Variants in FOXC1 observed in about 807,000 individuals in gnomAD.
FOXC1 encodes forkhead box protein C1.
A neutral mutation model predicts 8.1 loss-of-function variants in FOXC1; 5 were observed. The observed-to-expected ratio is 0.62, with a 90% CI of 0.32 to 1.30. The LOEUF (loss-of-function observed/expected upper bound fraction) is 1.30. Among genes scored for constraint, FOXC1 ranks in the 50% most tolerant of loss-of-function variants. The pLI is 0.05. For missense variants in FOXC1, 942 were observed against 858.0 expected (o/e 1.10, Z -1.22); for synonymous variants, 552 against 417.2 (o/e 1.32, Z -3.94).
rs1762573768 is a variant in FOXC1, at chr6:1,612,410, C to T, written c.*303C>T. The T allele has an allele frequency of 3.8e-6, 2 of 523,038 alleles. No homozygotes were observed. Among genetic ancestry groups the T allele is most frequent in the East Asian group, 3.4e-5 (1 of 29,220 alleles). The allele number at this position is 523,038 out of a possible 1,614,324, so 32.4% of individuals were successfully genotyped here. On this transcript the variant is annotated 3_prime_UTR_variant, in exon 1 of 1. Coordinates refer to ENST00000645831, the MANE Select transcript of FOXC1 (RefSeq NM_001453.3). ...CTTGGTTTATTAAAGGACAGTGTTA[C>T]TCCAGATAACACGTAAGTTTCTTCT...
In FOXC1 at chr6:1,613,290, AG is replaced by A. The variant is rs1762586452; in HGVS notation, c.*1184del. Reference sequence around the variant, plus strand: ...CATCCCTGTGAGCCAGATGCTGAATAGATATTTTCCTATTATTTCAGTCCTT... The same window carrying A: ...CATCCCTGTGAGCCAGATGCTGAATAATATTTTCCTATTATTTCAGTCCTT... On this transcript the variant is annotated 3_prime_UTR_variant, in exon 1 of 1. Transcript: ENST00000645831. 5 of 233,860 alleles carry A rather than the reference AG, an allele frequency of 2.1e-5. No homozygotes were observed. The Admixed American group carries it at 2.9e-4, about 14-fold the overall frequency. 14.5% of individuals were successfully genotyped at this position (233,860 alleles called of 1,614,324 possible).
At position 1,611,427 on chromosome 6, in the gene FOXC1, C is replaced by T. The variant is rs1392616157; in HGVS notation, c.982C>T (p.Leu328Phe). ...GTCGCCGCAGAGCGCGGCCGCGGAG[C>T]TCAGCTCCGGCCTTCTGGCCTCGGC... ...RGSPQSAAAE[L>F]SSGLLASAAA... is the part of the protein sequence containing the mutation. The change falls in exon 1 of 1, where the codon CTC (leucine) becomes TTC (phenylalanine). Residue 328 changes from leucine (L) to phenylalanine (F), a missense_variant. Leu to Phe is a conservative substitution (Grantham distance 22, BLOSUM62 0). This residue lies in a region of FOXC1 where 726 missense variants were observed against 599.6 expected (regional missense o/e 1.21). Transcript: ENST00000645831. This position sits in a 1 kb window ranked among gnomAD's most constrained non-coding sequence, Gnocchi z 7.1. 2 of 1,437,272 alleles carry T rather than the reference C, an allele frequency of 1.4e-6. No homozygotes were observed. The highest frequency in any genetic ancestry group is 1.5e-5 in the African/African-American group (1 of 67,230). The allele number at this position is 1,437,272 out of a possible 1,614,324, so 89.0% of individuals were successfully genotyped here. A position where few individuals can be genotyped will look rare whatever the true frequency, so the allele number is the denominator to read the frequency against.
Position 1,611,159 on chromosome 6 carries a change from G to A in FOXC1, c.714G>A (p.Gln238=). The A allele has an allele frequency of 1.4e-6, 2 of 1,452,464 alleles. No individual in the cohort carries two copies. Among genetic ancestry groups the A allele is most frequent in the Non-Finnish European group, 1.8e-6 (2 of 1,097,128 alleles). 90.0% of individuals were successfully genotyped at this position (1,452,464 alleles called of 1,614,324 possible). Residue 238 remains glutamine (Q), a synonymous_variant, in exon 1 of 1, where the codon CAG becomes CAA. Coordinates refer to ENST00000645831, the MANE Select transcript of FOXC1 (RefSeq NM_001453.3). This position sits in a 1 kb window ranked among gnomAD's most constrained non-coding sequence, Gnocchi z 7.1. ...ACGGTACGTGCCCCTCGCCGCCCCA[G>A]CCCCTGTCCCCGGCCGCCGCCCTGG... ...TENGTCPSPP[Q]PLSPAAALGS...
chr6:1,611,770 C>G lies in FOXC1; in HGVS notation c.1325C>G (p.Ser442Trp). The change falls in exon 1 of 1, where the codon TCG becomes TGG. Residue 442 changes from serine to tryptophan, a missense_variant. By Grantham distance (177) the Ser-to-Trp change is radical. Transcript: ENST00000645831. This position sits in a 1 kb window ranked among gnomAD's most constrained non-coding sequence, Gnocchi z 7.1. ...SLPPVTSSSSSSLSHGGGGGG... is the reference protein window; with the variant it reads ...SLPPVTSSSSWSLSHGGGGGG... The stretch of plus-strand genomic sequence containing the variant: ...CCTCCGGTCACCAGCAGCAGCTCGT[C>G]GTCCCTGAGTCACGGCGGCGGCGGC... 2 of 1,470,998 alleles carry G rather than the reference C, an allele frequency of 1.4e-6. No homozygotes were observed. The highest frequency in any genetic ancestry group is 1.8e-6 in the Non-Finnish European group (2 of 1,117,688). 91.1% of individuals were successfully genotyped at this position (1,470,998 alleles called of 1,614,324 possible).
chr6:1,612,344 TAAAC>T lies in FOXC1; in HGVS notation c.*242_*245del, dbSNP rs915154568. On this transcript the variant is annotated 3_prime_UTR_variant, in exon 1 of 1. Transcript: ENST00000645831. The stretch of plus-strand genomic sequence containing the variant: ...CCACCTCCACTTTGCCTTGTCTAAA[TAAAC>T]AAACCCGTAAACTGTTTTATACAGA... 41 of 652,914 alleles carry T rather than the reference TAAAC, an allele frequency of 6.3e-5. No homozygotes were observed. The highest frequency in any genetic ancestry group is 5.1e-4 in the African/African-American group (28 of 54,630). The allele number at this position is 652,914 out of a possible 1,614,324, so 40.4% of individuals were successfully genotyped here. A position where few individuals can be genotyped will look rare whatever the true frequency, so the allele number is the denominator to read the frequency against.
chr6:1,613,174 C>A lies in FOXC1; in HGVS notation c.*1067C>A, dbSNP rs545386506. ...AGCCGCGGTCTTACCACGGTGATGCCTGTGTGCCGAGAGATGGGACTGTGC... is the reference window on the plus strand; with the variant it reads ...AGCCGCGGTCTTACCACGGTGATGCATGTGTGCCGAGAGATGGGACTGTGC... On this transcript the variant is annotated 3_prime_UTR_variant, in exon 1 of 1. Transcript: ENST00000645831. 4.1e-6 allele frequency: 1 copy of A among 241,670 alleles called. No individual in the cohort carries two copies. The highest frequency in any genetic ancestry group is 8.8e-6 in the Non-Finnish European group (1 of 114,226). The allele number at this position is 241,670 out of a possible 1,614,324, so 15.0% of individuals were successfully genotyped here.
At position 1,610,829 on chromosome 6, in the gene FOXC1, C is replaced by T; in HGVS notation, c.384C>T (p.His128=). The change falls in exon 1 of 1, where the codon CAC becomes CAT. Residue 128 remains histidine (H), a synonymous_variant. Transcript: ENST00000645831. The part of the protein sequence containing the change: ...NKQGWQNSIR[H]NLSLNECFVK... ...AGGGCTGGCAGAACAGCATCCGCCACAACCTCTCGCTCAACGAGTGCTTCG... is the reference window on the plus strand; with the variant it reads ...AGGGCTGGCAGAACAGCATCCGCCATAACCTCTCGCTCAACGAGTGCTTCG... The T allele has an allele frequency of 6.2e-7, 1 of 1,614,132 alleles. No homozygotes were observed. Among genetic ancestry groups the T allele is most frequent in the Non-Finnish European group, 8.5e-7 (1 of 1,180,026 alleles).
chr6:1,611,451 G>A lies in FOXC1; in HGVS notation c.1006G>A (p.Ala336Thr). Residue 336 changes from alanine to threonine, a missense_variant, in exon 1 of 1, where the codon GCG becomes ACG. Transcript: ENST00000645831. The surrounding 1 kb of genome is among the most constrained non-coding windows in gnomAD (Gnocchi z 7.1). ...GCTCAGCTCCGGCCTTCTGGCCTCG[G>A]CGGCCGCGTCCTCGCGCGCGGGGAT... ...AELSSGLLAS[A>T]AASSRAGIAP... The A allele has an allele frequency of 1.4e-6, 2 of 1,389,156 alleles. No homozygotes were observed. The highest frequency in any genetic ancestry group is 3.2e-5 in the East Asian group (1 of 30,848). The allele number at this position is 1,389,156 out of a possible 1,614,324, so 86.1% of individuals were successfully genotyped here.
In FOXC1 at chr6:1,611,748, C is replaced by G. The variant is rs1762555865; in HGVS notation, c.1303C>G (p.Pro435Ala). The G allele has an allele frequency of 1.4e-6, 2 of 1,472,644 alleles. No homozygotes were observed. The highest frequency in any genetic ancestry group is 1.8e-6 in the Non-Finnish European group (2 of 1,118,796). 91.2% of individuals were successfully genotyped at this position (1,472,644 alleles called of 1,614,324 possible). A position where few individuals can be genotyped will look rare whatever the true frequency, so the allele number is the denominator to read the frequency against. Residue 435 changes from proline (P) to alanine (A), a missense_variant, in exon 1 of 1, where the codon CCG becomes GCG. Pro to Ala is a conservative substitution (Grantham distance 27). Around this residue, in one of 4 missense-constraint regions of FOXC1, gnomAD observed 726 missense variants for 599.6 expected, o/e 1.21. Transcript: ENST00000645831. The surrounding 1 kb of genome is among the most constrained non-coding windows in gnomAD (Gnocchi z 7.1). ...CCCCCTGCCCGACTACTCTCTGCCT[C>G]CGGTCACCAGCAGCAGCTCGTCGTC... ...DDPLPDYSLPPVTSSSSSSLS... is the reference protein window; with the variant it reads ...DDPLPDYSLPAVTSSSSSSLS...
In FOXC1 at chr6:1,611,227, ACAGCAG is replaced by A. The variant is rs761199025; in HGVS notation, c.793_798del (p.Ser265_Ser266del). 1.1e-5 allele frequency: 16 copies of A among 1,452,628 alleles called. No individual in the cohort carries two copies. Among genetic ancestry groups the A allele is most frequent in the Middle Eastern group, 2.2e-4 (1 of 4,644 alleles). The allele number at this position is 1,452,628 out of a possible 1,614,324, so 90.0% of individuals were successfully genotyped here. The stretch of plus-strand genomic sequence containing the variant: ...GCGGTGCCCAAGATCGAGAGCCCCG[ACAGCAG>A]CAGCAGCAGCCTGTCCAGCGGGAGC... On this transcript the variant is annotated inframe_deletion, in exon 1 of 1. Transcript: ENST00000645831. This position sits in a 1 kb window ranked among gnomAD's most constrained non-coding sequence, Gnocchi z 7.1.
Position 1,612,134 on chromosome 6 carries a change from A to C in FOXC1, c.*27A>C. 6.2e-7 allele frequency: 1 copy of C among 1,613,858 alleles called. No individual in the cohort carries two copies. Among genetic ancestry groups the C allele is most frequent in the Non-Finnish European group, 8.5e-7 (1 of 1,180,004 alleles). ...ACACCCTCAAAGCCGAACTAAATCG[A>C]ACCCCAAAGCAGGAAAAGCTAAAGG... On this transcript the variant is annotated 3_prime_UTR_variant, in exon 1 of 1. Coordinates refer to ENST00000645831, the MANE Select transcript of FOXC1 (RefSeq NM_001453.3).
rs1351404767 is a variant in FOXC1 at position 1,612,143 on chromosome 6, G to A, written c.*36G>A. The A allele has an allele frequency of 5.0e-6, 8 of 1,612,692 alleles. No homozygotes were observed. The highest frequency in any genetic ancestry group is 1.7e-5 in the Admixed American group (1 of 59,952). On this transcript the variant is annotated 3_prime_UTR_variant, in exon 1 of 1. Transcript: ENST00000645831. ...AAGCCGAACTAAATCGAACCCCAAAGCAGGAAAAGCTAAAGGAACCCATCA... is the reference window on the plus strand; with the variant it reads ...AAGCCGAACTAAATCGAACCCCAAAACAGGAAAAGCTAAAGGAACCCATCA...
rs750113586 is a variant in FOXC1 at position 1,611,971 on chromosome 6, A to G, written c.1526A>G (p.Glu509Gly). 1.9e-6 allele frequency: 3 copies of G among 1,609,672 alleles called. No homozygotes were observed. The African/African-American group carries it at 4.0e-5, about 22-fold the overall frequency. Residue 509 changes from glutamate to glycine, a missense_variant, in exon 1 of 1, where the codon GAG becomes GGG. This residue lies in a region of FOXC1 where 726 missense variants were observed against 599.6 expected (regional missense o/e 1.21). Transcript: ENST00000645831. The surrounding 1 kb of genome is among the most constrained non-coding windows in gnomAD (Gnocchi z 7.1). ...GQQQNFHSVR[E>G]MFESQRIGLN... The stretch of plus-strand genomic sequence containing the variant: ...CAGCAGAACTTCCACTCGGTGCGGG[A>G]GATGTTCGAGTCACAGAGGATCGGC...
rs762496778 is a variant in FOXC1, at chr6:1,611,975, G to A, written c.1530G>A (p.Met510Ile). The change falls in exon 1 of 1, where the codon ATG becomes ATA. Residue 510 changes from methionine (M) to isoleucine (I), a missense_variant. Coordinates refer to ENST00000645831, the MANE Select transcript of FOXC1 (RefSeq NM_001453.3). This position sits in a 1 kb window ranked among gnomAD's most constrained non-coding sequence, Gnocchi z 7.1. ...QQQNFHSVRE[M>I]FESQRIGLNN... ...AGAACTTCCACTCGGTGCGGGAGAT[G>A]TTCGAGTCACAGAGGATCGGCTTGA... 2 of 1,610,998 alleles carry A rather than the reference G, an allele frequency of 1.2e-6. No individual in the cohort carries two copies. Among genetic ancestry groups the A allele is most frequent in the South Asian group, 2.2e-5 (2 of 90,460 alleles).
chr6:1,610,132 C>CT lies in FOXC1; in HGVS notation c.-313dup, dbSNP rs1202781854. The CT allele has an allele frequency of 6.7e-6, 1 of 149,682 alleles. No individual in the cohort carries two copies. The highest frequency in any genetic ancestry group is 1.5e-5 in the Non-Finnish European group (1 of 67,802). 9.3% of individuals were successfully genotyped at this position (149,682 alleles called of 1,614,324 possible). A position where few individuals can be genotyped will look rare whatever the true frequency, so the allele number is the denominator to read the frequency against. ...GCGCCTGCTTGTTCTTTCTTTTTGTCTGCTTTCCCCCGTTTGCGCCTGGAA... is the reference window on the plus strand; with the variant it reads ...GCGCCTGCTTGTTCTTTCTTTTTGTCTTGCTTTCCCCCGTTTGCGCCTGGAA... On this transcript the variant is annotated 5_prime_UTR_variant, in exon 1 of 1. Coordinates refer to ENST00000645831, the MANE Select transcript of FOXC1 (RefSeq NM_001453.3).
In FOXC1 at chr6:1,611,218, A is replaced by G; in HGVS notation, c.773A>G (p.Glu258Gly). The G allele has an allele frequency of 1.4e-6, 2 of 1,457,094 alleles. No homozygotes were observed. Among genetic ancestry groups the G allele is most frequent in the Non-Finnish European group, 1.8e-6 (2 of 1,105,224 alleles). 90.3% of individuals were successfully genotyped at this position (1,457,094 alleles called of 1,614,324 possible). A position where few individuals can be genotyped will look rare whatever the true frequency, so the allele number is the denominator to read the frequency against. The change falls in exon 1 of 1, where the codon GAG becomes GGG. Residue 258 changes from glutamate to glycine, a missense_variant. This residue lies in a region of FOXC1 where 726 missense variants were observed against 599.6 expected (regional missense o/e 1.21). Transcript: ENST00000645831. This position sits in a 1 kb window ranked among gnomAD's most constrained non-coding sequence, Gnocchi z 7.1. ...SGSAAAVPKI[E>G]SPDSSSSSLS... ...AGCGCCGCCGCGGTGCCCAAGATCG[A>G]GAGCCCCGACAGCAGCAGCAGCAGC...
chr6:1,611,170 C>G lies in FOXC1; in HGVS notation c.725C>G (p.Pro242Arg). 1 of 1,457,092 alleles carries G rather than the reference C, an allele frequency of 6.9e-7. No homozygotes were observed. The highest frequency in any genetic ancestry group is 3.1e-5 in the East Asian group (1 of 32,150). The allele number at this position is 1,457,092 out of a possible 1,614,324, so 90.3% of individuals were successfully genotyped here. A position where few individuals can be genotyped will look rare whatever the true frequency, so the allele number is the denominator to read the frequency against. ...CCCTCGCCGCCCCAGCCCCTGTCCC[C>G]GGCCGCCGCCCTGGGCAGCGGCAGC... ...TCPSPPQPLS[P>R]AAALGSGSAA... Residue 242 changes from proline (P) to arginine (R), a missense_variant, in exon 1 of 1, where the codon CCG becomes CGG. Physicochemically the swap from Pro to Arg is moderately radical, Grantham distance 103. Coordinates refer to ENST00000645831, the MANE Select transcript of FOXC1 (RefSeq NM_001453.3). The surrounding 1 kb of genome is among the most constrained non-coding windows in gnomAD (Gnocchi z 7.1).
Position 1,610,498 on chromosome 6 carries a change from A to T in FOXC1, c.53A>T (p.Tyr18Phe). 1.3e-6 allele frequency: 2 copies of T among 1,503,902 alleles called. No homozygotes were observed. The highest frequency in any genetic ancestry group is 8.9e-7 in the Non-Finnish European group (1 of 1,128,220). The allele number at this position is 1,503,902 out of a possible 1,614,324, so 93.2% of individuals were successfully genotyped here. The change falls in exon 1 of 1, where the codon TAC (tyrosine) becomes TTC (phenylalanine). Residue 18 changes from tyrosine (Y) to phenylalanine (F), a missense_variant. Tyr to Phe is a conservative substitution (Grantham distance 22). Coordinates refer to ENST00000645831, the MANE Select transcript of FOXC1 (RefSeq NM_001453.3). Reference sequence around the variant, plus strand: ...CCCAACTCCCTGGGAGTGGTGCCCTACCTCGGCGGCGAGCAGAGCTACTAC... The same window carrying T: ...CCCAACTCCCTGGGAGTGGTGCCCTTCCTCGGCGGCGAGCAGAGCTACTAC... ...SSPNSLGVVP[Y>F]LGGEQSYYRA...
rs564615118 is a variant in FOXC1 at position 1,613,692 on chromosome 6, C to T, written c.*1585C>T. The T allele has an allele frequency of 5.1e-6, 1 of 194,310 alleles. No individual in the cohort carries two copies. Among genetic ancestry groups the T allele is most frequent in the African/African-American group, 2.8e-5 (1 of 35,936 alleles). The allele number at this position is 194,310 out of a possible 1,614,324, so 12.0% of individuals were successfully genotyped here. A position where few individuals can be genotyped will look rare whatever the true frequency, so the allele number is the denominator to read the frequency against. On this transcript the variant is annotated 3_prime_UTR_variant, in exon 1 of 1. Transcript: ENST00000645831. ...TCTTAGGGTGATCTGCCCTGCCAAT[C>T]AGACTTTGGGGAGATGGCGATTTGA...
Sources: gnomAD v4.1 joint callset for allele counts on GRCh38, gnomAD v4.1.1 for gene constraint, gnomAD v4.1.1 regional missense constraint, Gnocchi (gnomAD v3.1) non-coding constraint, MANE v1.5 for transcripts, NCBI Gene and HGNC (gene_info 2026-07-23, HGNC 2026-07-21) for gene names.